The following AREL1 variants were observed in gnomAD, a reference collection of about 807,000 sequenced individuals.
The protein encoded by AREL1 is apoptosis-resistant E3 ubiquitin protein ligase 1.
A neutral mutation model predicts 99.0 loss-of-function variants in AREL1; 62 were observed. That is an observed-to-expected ratio of 0.63 (90% CI 0.51 to 0.77). AREL1 has a LOEUF of 0.77. Among genes scored for constraint, AREL1 ranks in the 30% least tolerant of loss-of-function variants. AREL1 has a pLI of 0.00. For synonymous variants in AREL1, 380 were observed against 376.5 expected, an observed-to-expected ratio of 1.01 and a Z score of -0.11; for missense variants, 879 against 1,027.6, an observed-to-expected ratio of 0.86 and a Z score of 1.98.
Position 74,684,586 on chromosome 14 carries a change from G to A in AREL1, c.111C>T (p.Asp37=). The change falls in exon 4 of 20, where the codon GAC becomes GAT. Residue 37 remains aspartate (D), a synonymous_variant. Transcript: ENST00000356357. ...ARVVSFLQNE[D]RERRGDRTIY... ...TAGTCCGGTCCCCTCGGCGCTCGCG[G>A]TCCTCATTCTGGAGGAAGCTGACTA... is the stretch of plus-strand genomic sequence containing the variant. 3 of 1,614,156 alleles carry A rather than the reference G, an allele frequency of 1.9e-6. No individual in the cohort carries two copies. Among genetic ancestry groups the A allele is most frequent in the Non-Finnish European group, 2.5e-6 (3 of 1,180,030 alleles).
At chr14:74,710,203 A>G (rs2090255170) in intron 1 of AREL1, among the ~76,000 whole-genome samples, 1 of 152,198 alleles carries the variant, frequency 6.6e-6, no homozygotes, top group Non-Finnish European at 1.5e-5. Flanking sequence ...AGAACCTCAG[A>G]TTGCAATAAA....
Position 74,664,012 on chromosome 14 carries a change from AAGTAG to A in AREL1, c.2251_2255del (p.Leu751SerfsTer30). 1 of 1,614,146 alleles carries A rather than the reference AAGTAG, an allele frequency of 6.2e-7. No individual in the cohort carries two copies. Among genetic ancestry groups the A allele is most frequent in the Non-Finnish European group, 8.5e-7 (1 of 1,180,016 alleles). On this transcript the variant is annotated frameshift_variant, in exon 19 of 20. Transcript: ENST00000356357. LOFTEE classifies it high-confidence loss of function. ...GCTGAGAGGAGCCTGTTGTGAACTG[AAGTAG>A]CCGAGCCAACTCCTCCTGGGTCAGA...
At chr14:74,664,136 G>T in intron 18 of AREL1, 62 bp from the exon 19 acceptor site, 4 of 1,547,234 alleles carry the variant, frequency 2.6e-6, no homozygotes, top group Non-Finnish European at 3.5e-6. Context: ...TAGATCCCTG[G>T]GGAAGGAACA....
chr14:74,674,884 A>G (rs1412099028), intron 8 of AREL1, among the ~76,000 whole-genome samples: 1 of 152,178 alleles, frequency 6.6e-6, no homozygotes, highest in East Asian at 1.9e-4. Context: ...GGGAGGCAAG[A>G]TGGGGTGAGC....
At chr14:74,673,956 T>G in intron 9 of AREL1, 78 bp downstream of exon 9, 1 of 1,296,996 alleles carries the variant, frequency 7.7e-7, no homozygotes, top group East Asian at 2.4e-5. Context: ...TAAAAGTGCT[T>G]CTGAGAAAAA....
At chr14:74,693,223 GC>G (rs1316981292) in intron 1 of AREL1, among the ~76,000 whole-genome samples, 6 of 152,162 alleles carry the variant, frequency 3.9e-5, no homozygotes, top group African/African-American at 1.4e-4. Context: ...GAGCTTTAAA[GC>G]CCAATCTATC....
chr14:74,668,081 G>A (rs544140501), intron 15 of AREL1, among the ~76,000 whole-genome samples: 78 of 152,326 alleles, frequency 5.1e-4, no homozygotes, highest in African/African-American at 1.8e-3. Flanking sequence ...TTTGATACTT[G>A]AAGATCCTGG....
At chr14:74,693,964 C>G (rs906377389) in intron 1 of AREL1, among the ~76,000 whole-genome samples, 2 of 152,094 alleles carry the variant, frequency 1.3e-5, no homozygotes, top group African/African-American at 4.8e-5. Context: ...ATCACTTGAG[C>G]CCAGGAGTTC....
intron 5 of AREL1, among the ~76,000 whole-genome samples, chr14:74,678,864 A>G (rs938922904): frequency 1.3e-5 from 2 of 152,202 alleles, no homozygotes; most frequent in Admixed American, 6.6e-5. Context: ...CAGTTTGACC[A>G]TAAAAGAAAA....
At position 74,662,406 on chromosome 14, in the gene AREL1, C is replaced by T. The variant is rs2089105012; in HGVS notation, c.*1314G>A. On this transcript the variant is annotated 3_prime_UTR_variant, in exon 20 of 20. Coordinates refer to ENST00000356357, the MANE Select transcript of AREL1 (RefSeq NM_001039479.2). ...TTGGGAATGGTAGCTTGCAGCAAAGCCTTCTTAAAAACACAAATTTGGGAA... is the reference window on the plus strand; with the variant it reads ...TTGGGAATGGTAGCTTGCAGCAAAGTCTTCTTAAAAACACAAATTTGGGAA... 1 of 394,596 alleles carries T rather than the reference C, an allele frequency of 2.5e-6. No individual in the cohort carries two copies. Among genetic ancestry groups the T allele is most frequent in the Non-Finnish European group, 4.5e-6 (1 of 223,854 alleles). 24.4% of individuals were successfully genotyped at this position (394,596 alleles called of 1,614,324 possible). A position where few individuals can be genotyped will look rare whatever the true frequency, so the allele number is the denominator to read the frequency against.
chr14:74,683,954 A>G (rs999488721), intron 4 of AREL1, among the ~76,000 whole-genome samples: 3 of 152,236 alleles, frequency 2.0e-5, no homozygotes, highest in Non-Finnish European at 4.4e-5. Flanking sequence ...GGAGGGGTTC[A>G]GACTCTCAAG....
chr14:74,682,441 G>A (rs1175471199), intron 5 of AREL1, among the ~76,000 whole-genome samples: 2 of 152,200 alleles, frequency 1.3e-5, no homozygotes, highest in Non-Finnish European at 2.9e-5. Flanking sequence ...TCACAGTAGT[G>A]TTGCTTACAG....
chr14:74,685,405 T>C (rs1335067665), intron 3 of AREL1, among the ~76,000 whole-genome samples, 195 bp downstream of exon 3: 3 of 152,210 alleles, frequency 2.0e-5, no homozygotes, highest in Non-Finnish European at 4.4e-5. Flanking sequence ...CAGTAAACAG[T>C]GTCTGGCATT....
Position 74,662,269 on chromosome 14 carries a change from G to A in AREL1, c.*1451C>T, listed in dbSNP as rs2089101516. The A allele has an allele frequency of 3.7e-6, 1 of 272,718 alleles. No homozygotes were observed. 16.9% of individuals were successfully genotyped at this position (272,718 alleles called of 1,614,324 possible). Reference sequence around the variant, plus strand: ...CCTGCGAACAGGAGGGCTCAGACATGCTTCCAGGAGGCCAAGGCATTGCCA... The same window carrying A: ...CCTGCGAACAGGAGGGCTCAGACATACTTCCAGGAGGCCAAGGCATTGCCA... On this transcript the variant is annotated 3_prime_UTR_variant, in exon 20 of 20. Coordinates refer to ENST00000356357, the MANE Select transcript of AREL1 (RefSeq NM_001039479.2).
intron 2 of AREL1, among the ~76,000 whole-genome samples, chr14:74,688,169 G>T (rs546623379): frequency 6.6e-6 from 1 of 151,714 alleles, no homozygotes; most frequent in African/African-American, 2.4e-5. Flanking sequence ...GGCATTACAG[G>T]TGCCTGCCAC....
At chr14:74,705,419 T>C (rs2090160246) in intron 1 of AREL1, among the ~76,000 whole-genome samples, 1 of 152,200 alleles carries the variant, frequency 6.6e-6, no homozygotes, top group South Asian at 2.1e-4. Flanking sequence ...GTAAATGGAA[T>C]GCTTAAGTTT....
At chr14:74,710,454 T>C (rs1391544544) in intron 1 of AREL1, among the ~76,000 whole-genome samples, 4 of 152,138 alleles carry the variant, frequency 2.6e-5, no homozygotes, top group Admixed American at 1.3e-4. Flanking sequence ...TAAATGCAAA[T>C]TACTATTTAA....
At chr14:74,707,428 CAA>C (rs1362898087) in intron 1 of AREL1, among the ~76,000 whole-genome samples, 1 of 151,170 alleles carries the variant, frequency 6.6e-6, no homozygotes, top group African/African-American at 2.4e-5. Context: ...TTTGGGAGGC[CAA>C]GGTGGGCGGA....
Position 74,662,389 on chromosome 14 carries a change from G to C in AREL1, c.*1331C>G, listed in dbSNP as rs2089104729. The C allele has an allele frequency of 5.1e-6, 2 of 392,488 alleles. No individual in the cohort carries two copies. The highest frequency in any genetic ancestry group is 4.1e-5 in the African/African-American group (2 of 48,518). 24.3% of individuals were successfully genotyped at this position (392,488 alleles called of 1,614,324 possible). On this transcript the variant is annotated 3_prime_UTR_variant, in exon 20 of 20. Coordinates refer to ENST00000356357, the MANE Select transcript of AREL1 (RefSeq NM_001039479.2). ...CAGAGTTGACTGCCCCATTGGGAAT[G>C]GTAGCTTGCAGCAAAGCCTTCTTAA...
Sources: allele counts gnomAD v4.1 joint callset (sites outside exome capture counted in the v4.1 genomes callset), GRCh38; gene constraint gnomAD v4.1.1; transcripts MANE v1.5; gene names NCBI Gene and HGNC (gene_info 2026-07-23, HGNC 2026-07-21).